Variants in MED23 observed in about 807,000 individuals in gnomAD.
MED23 encodes mediator of RNA polymerase II transcription subunit 23.
Under a neutral mutation model 163.9 loss-of-function variants are expected in MED23, and 105 were observed. The ratio of observed to expected loss-of-function variants is 0.64; its 90% CI spans 0.55 to 0.75. MED23 has a LOEUF of 0.75. Among genes scored for constraint, MED23 ranks in the 30% least tolerant of loss-of-function variants. The pLI is 0.00. For synonymous variants in MED23, 561 were observed against 565.6 expected (o/e 0.99, Z 0.12); for missense variants, 1,054 against 1,649.0 (o/e 0.64, Z 6.25).
chr6:131,610,423 G>A (rs17060449), intron 10 of MED23, among the ~76,000 whole-genome samples, 177 bp from the exon 11 acceptor site: 1,757 of 152,220 alleles, frequency 0.012, 35 homozygotes, highest in African/African-American at 0.041. Flanking sequence ...TATTATACAG[G>A]ATAAGCTTCA....
upstream of MED23, chr6:131,628,257 A>G: frequency 1.7e-6 from 1 of 599,502 alleles, no homozygotes; most frequent in South Asian, 1.9e-5. Flanking sequence ...AGGGCCCGGT[A>G]CGCGCCGTTT....
chr6:131,613,312 C>T (rs571895428), intron 10 of MED23, among the ~76,000 whole-genome samples: 6 of 152,306 alleles, frequency 3.9e-5, no homozygotes, highest in Non-Finnish European at 7.4e-5. Flanking sequence ...AAGTCTAACG[C>T]TCCACCTTGC....
At chr6:131,574,050 C>A (rs1178735209) in exon 31 of MED23, 3 of 557,716 alleles carry the variant, frequency 5.4e-6, no homozygotes, top group African/African-American at 3.8e-5. Context: ...CACATGCCAG[C>A]AACATTGAAT....
intron 28 of MED23, among the ~76,000 whole-genome samples, chr6:131,588,175 T>C (rs1181679202): frequency 6.6e-6 from 1 of 152,198 alleles, no homozygotes; most frequent in Non-Finnish European, 1.5e-5. Context: ...TACCAAAAGC[T>C]AGCAGAGTTT....
At position 131,624,861 on chromosome 6, in the gene MED23, G is replaced by T. The variant is rs752028214; in HGVS notation, c.284+4C>A. 1 of 1,613,532 alleles carries T rather than the reference G, an allele frequency of 6.2e-7. No homozygotes were observed. The highest frequency in any genetic ancestry group is 1.1e-5 in the South Asian group (1 of 91,076). Reference sequence around the variant, plus strand: ...TTCAGATTGCTCATACCCATTAAACGTACCTGGGTGGAAGGAGACCAGTCT... The same window carrying T: ...TTCAGATTGCTCATACCCATTAAACTTACCTGGGTGGAAGGAGACCAGTCT... On this transcript the variant is annotated splice_donor_region_variant and intron_variant, in intron 4 of 28. Coordinates refer to ENST00000368068, the MANE Select transcript of MED23 (RefSeq NM_004830.4).
chr6:131,611,438 G>A (rs1776268521), intron 10 of MED23, among the ~76,000 whole-genome samples: 1 of 152,080 alleles, frequency 6.6e-6, no homozygotes, highest in Non-Finnish European at 1.5e-5. Context: ...CATGACCACA[G>A]TTCAATCACA....
rs917020235 is a variant in MED23, at chr6:131,615,503, C to CAAAAAAAAAAA, written c.876+393_876+403dup. On this transcript the variant is annotated intron_variant, in intron 10 of 28. Transcript: ENST00000368068. ...CCACCAAAAACAAGCAAACACACAC[C>CAAAAAAAAAAA]AAAAAAAAAAAAAAAAAAAAAAAAA... Among the ~76,000 whole-genome samples the CAAAAAAAAAAA allele has an allele frequency of 1.4e-3, 20 of 14,162 alleles. 2 individuals carry two copies. Among genetic ancestry groups the CAAAAAAAAAAA allele is most frequent in the African/African-American group, 2.1e-3 (7 of 3,308 alleles). 9.3% of individuals were successfully genotyped at this position (14,162 alleles called of 152,430 possible). A position where few individuals can be genotyped will look rare whatever the true frequency, so the allele number is the denominator to read the frequency against.
intron 9 of MED23, among the ~76,000 whole-genome samples, chr6:131,616,266 C>A (rs370520027): frequency 7.8e-4 from 119 of 152,208 alleles, no homozygotes; most frequent in African/African-American, 2.7e-3. Flanking sequence ...AGCACCAGAC[C>A]TTCCAATCCC....
chr6:131,601,268 CTT>C (rs1021053944), intron 17 of MED23, among the ~76,000 whole-genome samples: 5 of 152,232 alleles, frequency 3.3e-5, no homozygotes, highest in Non-Finnish European at 7.4e-5. Context: ...CATTCCAAAA[CTT>C]AGATTTTTCT....
intron 17 of MED23, among the ~76,000 whole-genome samples, chr6:131,600,557 T>C (rs1424416364): frequency 6.6e-6 from 1 of 152,194 alleles, no homozygotes; most frequent in Non-Finnish European, 1.5e-5. Flanking sequence ...ACATAATGCA[T>C]GTATAAATCT....
At chr6:131,606,430 C>A in intron 13 of MED23, 49 bp downstream of exon 13, 1 of 1,580,948 alleles carries the variant, frequency 6.3e-7, no homozygotes, top group South Asian at 1.1e-5. Context: ...GTCTACAATC[C>A]GCTATTAATT....
rs201888133 is a variant in MED23 at position 131,618,568 on chromosome 6, C to T, written c.668-49G>A. 6.7e-5 allele frequency: 74 copies of T among 1,112,780 alleles called. No individual in the cohort carries two copies. In the African/African-American group the frequency reaches 7.9e-4, roughly 12 times the overall value. 68.9% of individuals were successfully genotyped at this position (1,112,780 alleles called of 1,614,324 possible). On this transcript the variant is annotated intron_variant, in intron 8 of 28. Transcript: ENST00000368068. ...TTAAGTAAATGTGAACACAGCAGTACTTCATTCACTTCACAAATATTTAAT... is the reference window on the plus strand; with the variant it reads ...TTAAGTAAATGTGAACACAGCAGTATTTCATTCACTTCACAAATATTTAAT...
chr6:131,583,403 A>G (rs1274386174), downstream of MED23: 1 of 1,614,078 alleles, frequency 6.2e-7, no homozygotes, highest in Non-Finnish European at 8.5e-7. Context: ...GACTGGACCC[A>G]TCTTTCACAC....
chr6:131,579,300 CT>C, intron 30 of MED23: 1 of 1,613,622 alleles, frequency 6.2e-7, no homozygotes, highest in Non-Finnish European at 8.5e-7. Context: ...TGTTGAATAA[CT>C]GTGTCTATGG....
At position 131,594,152 on chromosome 6, in the gene MED23, G is replaced by C; in HGVS notation, c.3179C>G (p.Pro1060Arg). The change falls in exon 23 of 29, where the codon CCT becomes CGT. Residue 1060 changes from proline (P) to arginine (R), a missense_variant. Pro to Arg is a moderately radical substitution (Grantham distance 103). Transcript: ENST00000368068. ...ATAGTAGGTGTCATCTGGAACCCAA[G>C]GATTTTCCTCTCGTGCATTCATAGC... ...KCAMNAREEN[P>R]WVPDDTYYCR... is the part of the protein sequence containing the mutation. 6.2e-7 allele frequency: 1 copy of C among 1,614,134 alleles called. No homozygotes were observed. Among genetic ancestry groups the C allele is most frequent in the Non-Finnish European group, 8.5e-7 (1 of 1,180,032 alleles).
chr6:131,576,559 A>G lies in MED23; in HGVS notation c.4096-2264T>C, dbSNP rs920554932. 5 of 1,140,448 alleles carry G rather than the reference A, an allele frequency of 4.4e-6. No individual in the cohort carries two copies. In the African/African-American group the frequency reaches 6.1e-5, roughly 14 times the overall value. The allele number at this position is 1,140,448 out of a possible 1,614,324, so 70.6% of individuals were successfully genotyped here. Reference sequence around the variant, plus strand: ...TTCCTGGCTCTGTAGGAGCTCAAAAAATGATAGTTACAGTTCAACTGATTA... The same window carrying G: ...TTCCTGGCTCTGTAGGAGCTCAAAAGATGATAGTTACAGTTCAACTGATTA... On this transcript the variant is annotated intron_variant, in intron 30 of 30. Transcript: ENST00000354577.
rs73544620 is a variant in MED23, at chr6:131,574,378, G to T, written c.4096-83C>A. 3 of 1,508,250 alleles carry T rather than the reference G, an allele frequency of 2.0e-6. No individual in the cohort carries two copies. In the Admixed American group the frequency reaches 5.0e-5, roughly 25 times the overall value. 93.4% of individuals were successfully genotyped at this position (1,508,250 alleles called of 1,614,324 possible). A position where few individuals can be genotyped will look rare whatever the true frequency, so the allele number is the denominator to read the frequency against. On this transcript the variant is annotated intron_variant, in intron 30 of 30. Coordinates refer to the MED23 transcript ENST00000354577. ...CAGTAAATACTACTTTGCTTCCCCT[G>T]GAAATCCTCCAAAAGTCTCTCCCAA...
intron 3 of MED23, among the ~76,000 whole-genome samples, chr6:131,625,384 G>A (rs967095397): frequency 1.6e-4 from 24 of 152,130 alleles, no homozygotes; most frequent in African/African-American, 5.8e-4. Context: ...GTATGTATCA[G>A]GCTTAGGAGA....
In MED23 at chr6:131,609,746, G is replaced by GTATA. The variant is rs371814268; in HGVS notation, c.1077+296_1077+299dup. ...TATATACACATACATATATATATAT[G>GTATA]TATATATATATATATAAAGTATCCC... On this transcript the variant is annotated intron_variant, in intron 11 of 28. Transcript: ENST00000368068. Among the ~76,000 whole-genome samples, 1,088 of 139,958 alleles carry GTATA rather than the reference G, an allele frequency of 7.8e-3. 13 individuals are homozygous for GTATA. Among genetic ancestry groups the GTATA allele is most frequent in the African/African-American group, 0.028 (1,006 of 36,438 alleles). The allele number at this position is 139,958 out of a possible 152,430, so 91.8% of individuals were successfully genotyped here.
Sources: gnomAD v4.1 joint callset for allele counts (sites outside exome capture counted in the v4.1 genomes callset) on GRCh38, gnomAD v4.1.1 for gene constraint, MANE v1.5 for transcripts, NCBI Gene and HGNC (gene_info 2026-07-23, HGNC 2026-07-21) for gene names.